IQSEC1: variants seen among roughly 807,000 people sequenced by gnomAD.
The protein encoded by IQSEC1 is IQ motif and Sec7 domain ArfGEF 1.
In IQSEC1, 31 loss-of-function variants were observed where a neutral mutation model predicts 91.0. The ratio of observed to expected loss-of-function variants is 0.34; its 90% CI spans 0.26 to 0.46. The LOEUF is 0.46. IQSEC1 is among the 20% of genes least tolerant of loss of function. IQSEC1 has a pLI of 1.00. For synonymous variants in IQSEC1, 699 were observed against 662.6 expected (o/e 1.05, Z -0.84); for missense variants, 1,388 against 1,575.6 (o/e 0.88, Z 2.02).
chr3:13,018,335 C>T (rs977953069), intron 1 of IQSEC1, among the ~76,000 whole-genome samples: 10 of 152,146 alleles, frequency 6.6e-5, no homozygotes, highest in African/African-American at 1.7e-4. Flanking sequence ...GATGCAGCCA[C>T]GGTGGGAAGG....
chr3:13,091,877 C>A lies in IQSEC1; in HGVS notation c.303-44355G>T, dbSNP rs187405666. ...ATCCTCTGTGGAAGCCTAGACTGTT[C>A]AGGCTTCCTCCCAGGTCTCCTCTTT... On this transcript the variant is annotated intron_variant, in intron 2 of 15. Transcript: ENST00000648114. Among the ~76,000 whole-genome samples the A allele has an allele frequency of 2.0e-5, 3 of 151,822 alleles. No homozygotes were observed. The East Asian group carries it at 5.8e-4, about 30-fold the overall frequency.
chr3:12,985,157 G>A (rs1269046135), intron 1 of IQSEC1, among the ~76,000 whole-genome samples: 1 of 152,204 alleles, frequency 6.6e-6, no homozygotes, highest in African/African-American at 2.4e-5. Context: ...AATTTTTAAG[G>A]CAATCAAGAC....
At chr3:12,976,326 G>C (rs922454636) in intron 1 of IQSEC1, among the ~76,000 whole-genome samples, 4 of 152,236 alleles carry the variant, frequency 2.6e-5, no homozygotes, top group African/African-American at 9.6e-5. Context: ...AGCCCAGGTG[G>C]GGTCACAGTG....
chr3:12,960,977 A>G (rs2600204), intron 1 of IQSEC1, among the ~76,000 whole-genome samples: 151,591 of 152,374 alleles, frequency 0.99, 75,408 homozygotes, highest in East Asian at 1. Context: ...CATCCAGGAA[A>G]GGGCAGAAAC....
intron 1 of IQSEC1, among the ~76,000 whole-genome samples, chr3:13,251,847 C>T (rs1183455853): frequency 6.6e-6 from 1 of 152,156 alleles, no homozygotes; most frequent in Non-Finnish European, 1.5e-5. Context: ...GAATTAGAGG[C>T]CAGGCAGGAG....
chr3:13,114,907 G>C (rs973918924), intron 2 of IQSEC1, among the ~76,000 whole-genome samples: 3 of 152,140 alleles, frequency 2.0e-5, no homozygotes, highest in African/African-American at 7.2e-5. Context: ...TGGCATTTCA[G>C]CCAGTGCGGG....
intron 1 of IQSEC1, among the ~76,000 whole-genome samples, chr3:13,266,652 C>T (rs57779493): frequency 1.3e-5 from 2 of 151,954 alleles, no homozygotes; most frequent in African/African-American, 2.4e-5. Context: ...CCGCTGAAGC[C>T]GTCACCTTAA....
At chr3:13,068,036 T>C (rs1285267721) in intron 1 of IQSEC1, among the ~76,000 whole-genome samples, 1 of 152,010 alleles carries the variant, frequency 6.6e-6, no homozygotes, top group Non-Finnish European at 1.5e-5. Context: ...GGAAGGGGAG[T>C]ATCAGCCCCA....
At chr3:13,107,365 C>G (rs1706167201) in intron 2 of IQSEC1, among the ~76,000 whole-genome samples, 2 of 152,336 alleles carry the variant, frequency 1.3e-5, no homozygotes, top group East Asian at 3.9e-4. Context: ...GGACCATGCC[C>G]CCTGCGGTTG....
At chr3:13,177,412 AG>A (rs1333528984) in intron 1 of IQSEC1, among the ~76,000 whole-genome samples, 2 of 152,248 alleles carry the variant, frequency 1.3e-5, no homozygotes, top group Admixed American at 1.3e-4. Flanking sequence ...TGCCCAGAAA[AG>A]GGACAGGCCA....
chr3:12,915,933 G>A (rs759170617), intron 6 of IQSEC1, among the ~76,000 whole-genome samples, 200 bp from the exon 7 acceptor site: 12 of 152,168 alleles, frequency 7.9e-5, no homozygotes, highest in Non-Finnish European at 1.6e-4. Context: ...CAATACATCC[G>A]ACCCGGTCTA....
At chr3:13,034,106 C>T (rs1042783065) in intron 1 of IQSEC1, among the ~76,000 whole-genome samples, 6 of 152,188 alleles carry the variant, frequency 3.9e-5, no homozygotes, top group Non-Finnish European at 8.8e-5. Context: ...ACTGGGGTTA[C>T]GACGTCAGCA....
chr3:12,939,204 G>A (rs916653595), intron 2 of IQSEC1, among the ~76,000 whole-genome samples: 1 of 152,224 alleles, frequency 6.6e-6, no homozygotes, highest in Non-Finnish European at 1.5e-5. Context: ...GCTGCCCCAG[G>A]GCACATGGTT....
In IQSEC1 at chr3:13,154,454, T is replaced by C. The variant is rs1389918221; in HGVS notation, c.302+9650A>G. Among the ~76,000 whole-genome samples the C allele has an allele frequency of 1.7e-3, 92 of 52,724 alleles. 21 individuals are homozygous for C. The highest frequency in any genetic ancestry group is 5.5e-3 in the East Asian group (4 of 726). 34.6% of individuals were successfully genotyped at this position (52,724 alleles called of 152,430 possible). A position where few individuals can be genotyped will look rare whatever the true frequency, so the allele number is the denominator to read the frequency against. ...ACTTACATGCATATATATATATATA[T>C]ATATATATATATATATATATATGCA... On this transcript the variant is annotated intron_variant, in intron 2 of 15. Transcript: ENST00000648114.
intron 1 of IQSEC1, among the ~76,000 whole-genome samples, chr3:13,200,273 A>AC (rs1484358592): frequency 2.0e-5 from 3 of 149,962 alleles, no homozygotes; most frequent in African/African-American, 4.9e-5. Context: ...CACACACACC[A>AC]CACACACATA....
intron 1 of IQSEC1, among the ~76,000 whole-genome samples, chr3:13,267,692 A>G (rs1255293095): frequency 6.9e-6 from 1 of 144,732 alleles, no homozygotes; most frequent in Non-Finnish European, 1.5e-5. Context: ...ATCTCCGCTC[A>G]CTGCAAGCTC....
At chr3:12,957,691 CAG>C (rs1559672756) in intron 1 of IQSEC1, among the ~76,000 whole-genome samples, 2 of 152,220 alleles carry the variant, frequency 1.3e-5, no homozygotes, top group African/African-American at 4.8e-5. Context: ...CCCGCCCTGC[CAG>C]CCAGGGCCTG....
chr3:13,017,165 G>A (rs527470879), intron 1 of IQSEC1, among the ~76,000 whole-genome samples: 2 of 139,472 alleles, frequency 1.4e-5, no homozygotes, highest in African/African-American at 5.6e-5. Context: ...GACCTCCCCA[G>A]GCCATGTGGC....
chr3:12,901,657 G>A (rs778868157), intron 13 of IQSEC1, 135 bp from the exon 14 acceptor site: 1 of 752,074 alleles, frequency 1.3e-6, no homozygotes, highest in Non-Finnish European at 2.2e-6. Flanking sequence ...CAGAGGGTGG[G>A]GCTCAGTGAG....
Sources: gnomAD v4.1 joint callset for allele counts (sites outside exome capture counted in the v4.1 genomes callset) on GRCh38, gnomAD v4.1.1 for gene constraint, MANE v1.5 for transcripts, NCBI Gene and HGNC (gene_info 2026-07-23, HGNC 2026-07-21) for gene names.